TMCO1: variants seen among roughly 807,000 people sequenced by gnomAD.
The protein encoded by TMCO1 is calcium load-activated calcium channel.
Under a neutral mutation model 29.3 loss-of-function variants are expected in TMCO1, and 29 were observed. The ratio of observed to expected loss-of-function variants is 0.99; its 90% confidence interval spans 0.74 to 1.35. The LOEUF is 1.35. Ranked by LOEUF, TMCO1 falls within the 40% of genes most tolerant of loss-of-function variation. The pLI is 0.00. For synonymous variants in TMCO1, 80 were observed against 77.1 expected (o/e 1.04, Z -0.20); for missense variants, 173 against 225.5 (o/e 0.77, Z 1.49).
intron 3 of TMCO1, among the ~76,000 whole-genome samples, chr1:165,757,584 C>T (rs1236701508): frequency 6.6e-6 from 1 of 152,236 alleles, no homozygotes; most frequent in Non-Finnish European, 1.5e-5. Flanking sequence ...ACAACCTCCA[C>T]CTCCCAGATT....
At chr1:165,737,438 G>A (rs1441763506) in intron 6 of TMCO1, among the ~76,000 whole-genome samples, 1 of 152,112 alleles carries the variant, frequency 6.6e-6, no homozygotes, top group African/African-American at 2.4e-5. Flanking sequence ...AAGAAGAAGA[G>A]AGAGAGAATG....
intron 2 of TMCO1, among the ~76,000 whole-genome samples, chr1:165,767,318 C>T (rs987867438): frequency 6.6e-6 from 1 of 152,092 alleles, no homozygotes; most frequent in Non-Finnish European, 1.5e-5. Flanking sequence ...TAAATCAGGC[C>T]TATAAGGAAC....
rs575202902 is a variant in TMCO1, at chr1:165,768,449, A to C, written c.71-180T>G. ...CCAAAACAACAGTAACATGATGTGA[A>C]GGTGTCTCCACAAATACCCAAGTGA... On this transcript the variant is annotated intron_variant, in intron 1 of 6. Coordinates refer to ENST00000367881, the MANE Select transcript of TMCO1 (RefSeq NM_019026.6). 3.2e-5 allele frequency: 49 copies of C among 1,528,276 alleles called. 1 individual carries two copies. The South Asian group carries it at 5.8e-4, about 18-fold the overall frequency. 94.7% of individuals were successfully genotyped at this position (1,528,276 alleles called of 1,614,324 possible).
rs1306744746 is a variant in TMCO1, at chr1:165,768,288, C to A, written c.71-19G>T. 15 of 1,604,718 alleles carry A rather than the reference C, an allele frequency of 9.3e-6. No individual in the cohort carries two copies. The highest frequency in any genetic ancestry group is 1.3e-5 in the African/African-American group (1 of 74,694). On this transcript the variant is annotated intron_variant, in intron 1 of 6. Transcript: ENST00000367881. ...GTTATGCCTAAAACATTAAAAGCAA[C>A]ATGTTAATAGAGAAATGACTGGAAT... is the stretch of plus-strand genomic sequence containing the variant.
intron 5 of TMCO1, among the ~76,000 whole-genome samples, chr1:165,750,761 AC>A (rs1236677254): frequency 2.0e-5 from 3 of 152,098 alleles, no homozygotes; most frequent in Non-Finnish European, 4.4e-5. Context: ...CCTTGTCTGT[AC>A]AAAAAACTTT....
chr1:165,726,747 CTCT>C (rs986672212), downstream of TMCO1: 12 of 453,894 alleles, frequency 2.6e-5, no homozygotes, highest in African/African-American at 2.4e-4. Flanking sequence ...TGGGCAGATC[CTCT>C]TTTTTGTCCT....
chr1:165,737,583 A>C (rs1651438933), intron 6 of TMCO1, among the ~76,000 whole-genome samples: 1 of 152,246 alleles, frequency 6.6e-6, no homozygotes, highest in African/African-American at 2.4e-5. Context: ...CCAATCTCAA[A>C]GAGAAAATCT....
intron 5 of TMCO1, among the ~76,000 whole-genome samples, chr1:165,749,880 G>T (rs1651935502): frequency 6.6e-6 from 1 of 152,054 alleles, no homozygotes; most frequent in African/African-American, 2.4e-5. Flanking sequence ...GGAGCAAGTG[G>T]AGGGAATGAA....
intron 6 of TMCO1, among the ~76,000 whole-genome samples, chr1:165,741,342 A>G (rs1213710867): frequency 6.6e-6 from 1 of 152,114 alleles, no homozygotes; most frequent in African/African-American, 2.4e-5. Flanking sequence ...CACTATTATA[A>G]TAGTCTTTTG....
intron 3 of TMCO1, among the ~76,000 whole-genome samples, chr1:165,757,855 A>G (rs56126827): frequency 0.013 from 2,021 of 152,304 alleles, 54 homozygotes; most frequent in African/African-American, 0.047. Context: ...AAACAATTCA[A>G]GGTTACACTC....
chr1:165,746,453 T>TCACACACACACACACACACACA lies in TMCO1; in HGVS notation c.324-3164_324-3143dup, dbSNP rs59467463. Among the ~76,000 whole-genome samples, 11 of 132,418 alleles carry TCACACACACACACACACACACA rather than the reference T, an allele frequency of 8.3e-5. No individual in the cohort carries two copies. In the South Asian group the frequency reaches 1.1e-3, roughly 13 times the overall value. 86.9% of individuals were successfully genotyped at this position (132,418 alleles called of 152,430 possible). A position where few individuals can be genotyped will look rare whatever the true frequency, so the allele number is the denominator to read the frequency against. ...ACTTCTATAGCTTGGAAGACCTATA[T>TCACACACACACACACACACACA]CACACACACACACACACACACACAC... On this transcript the variant is annotated intron_variant, in intron 5 of 6. Transcript: ENST00000367881.
At chr1:165,759,330 G>A (rs1233739490) in intron 3 of TMCO1, among the ~76,000 whole-genome samples, 195 bp downstream of exon 3, 1 of 152,116 alleles carries the variant, frequency 6.6e-6, no homozygotes, top group Admixed American at 6.6e-5. Flanking sequence ...CAAAAATAGA[G>A]GAACTGCTTA....
intron 2 of TMCO1, 86 bp from the exon 3 acceptor site, chr1:165,759,670 A>G: frequency 1.7e-6 from 2 of 1,191,946 alleles, no homozygotes; most frequent in Admixed American, 1.9e-5. Context: ...AACCAATGAA[A>G]GAAGCTTGCA....
chr1:165,760,152 G>A (rs1390777874), intron 2 of TMCO1, among the ~76,000 whole-genome samples: 5 of 152,122 alleles, frequency 3.3e-5, no homozygotes, highest in South Asian at 2.1e-4. Context: ...CCAGACAGAC[G>A]CAGTGGCTCA....
At chr1:165,745,214 G>A (rs1021691324) in intron 5 of TMCO1, among the ~76,000 whole-genome samples, 1 of 147,118 alleles carries the variant, frequency 6.8e-6, no homozygotes, top group Non-Finnish European at 1.5e-5. Context: ...GTAGAGCTGT[G>A]GTCTTCCTAT....
chr1:165,742,688 A>G (rs1338640140), intron 6 of TMCO1, among the ~76,000 whole-genome samples: 3 of 152,100 alleles, frequency 2.0e-5, no homozygotes, highest in African/African-American at 4.8e-5. Flanking sequence ...TTTACTCCTT[A>G]GTTCTCACTC....
intron 2 of TMCO1, among the ~76,000 whole-genome samples, chr1:165,766,374 G>A (rs1396533730): frequency 6.6e-6 from 1 of 152,154 alleles, no homozygotes; most frequent in Non-Finnish European, 1.5e-5. Flanking sequence ...GGAGTCACTG[G>A]CCAATACAGC....
intron 5 of TMCO1, among the ~76,000 whole-genome samples, chr1:165,748,442 A>G (rs1322644080): frequency 1.3e-5 from 2 of 152,152 alleles, no homozygotes; most frequent in Non-Finnish European, 2.9e-5. Flanking sequence ...AGAGGGAGGG[A>G]TGAATGAATG....
chr1:165,746,082 C>A (rs969425481), intron 5 of TMCO1, among the ~76,000 whole-genome samples: 1 of 151,944 alleles, frequency 6.6e-6, no homozygotes, highest in Non-Finnish European at 1.5e-5. Flanking sequence ...GAGTTTGAGA[C>A]CAGCCTGGCC....
Sources: allele counts gnomAD v4.1 joint callset (sites outside exome capture counted in the v4.1 genomes callset), GRCh38; gene constraint gnomAD v4.1.1; transcripts MANE v1.5; gene names NCBI Gene and HGNC (gene_info 2026-07-23, HGNC 2026-07-21).